The following MVB12B variants were observed in gnomAD, a reference collection of about 807,000 sequenced individuals.
MVB12B encodes the protein multivesicular body subunit 12B.
In MVB12B, 16 loss-of-function variants were observed where a neutral mutation model predicts 41.6. The ratio of observed to expected loss-of-function variants is 0.38; its 90% CI spans 0.26 to 0.58. The LOEUF (loss-of-function observed/expected upper bound fraction) is 0.58, where lower values mean the gene tolerates loss of function less well. MVB12B is among the 20% of genes least tolerant of loss of function. The pLI is 0.62. For missense variants in MVB12B, 274 were observed against 380.2 expected (o/e 0.72, Z 2.32); for synonymous variants, 133 against 139.7 (o/e 0.95, Z 0.34).
intron 2 of MVB12B, among the ~76,000 whole-genome samples, chr9:126,344,065 A>T (rs566657496): frequency 6.6e-6 from 1 of 151,712 alleles, no homozygotes; most frequent in South Asian, 2.1e-4. Context: ...AAAAAAAAAA[A>T]TAGCAACACA....
chr9:126,408,644 G>A (rs1006071262), intron 6 of MVB12B, among the ~76,000 whole-genome samples: 5 of 152,082 alleles, frequency 3.3e-5, no homozygotes, highest in Non-Finnish European at 5.9e-5. Flanking sequence ...GGTGGAGGCT[G>A]GAAGCAGAAA....
intron 7 of MVB12B, among the ~76,000 whole-genome samples, chr9:126,461,517 C>A (rs1006085273): frequency 1.3e-5 from 2 of 152,162 alleles, no homozygotes; most frequent in Non-Finnish European, 2.9e-5. Flanking sequence ...ACTAGCCCAG[C>A]GTTTTTTAGC....
At chr9:126,366,499 A>ATGTG (rs1302716866) in intron 2 of MVB12B, among the ~76,000 whole-genome samples, 1 of 152,154 alleles carries the variant, frequency 6.6e-6, no homozygotes, top group Non-Finnish European at 1.5e-5. Context: ...TTTAGTTTGT[A>ATGTG]TGTGTGTGTG....
chr9:126,473,780 A>T lies in MVB12B; in HGVS notation c.758-7589A>T, dbSNP rs1329192211. Among the ~76,000 whole-genome samples the T allele has an allele frequency of 6.6e-6, 1 of 152,216 alleles. No homozygotes were observed. The highest frequency in any genetic ancestry group is 1.9e-4 in the East Asian group (1 of 5,196). Reference sequence around the variant, plus strand: ...GGCCCCCTCCAATACCGGGGATTACAATTGAACATGAGATTTGGGTATTTG... The same window carrying T: ...GGCCCCCTCCAATACCGGGGATTACTATTGAACATGAGATTTGGGTATTTG... On this transcript the variant is annotated intron_variant, in intron 7 of 9. Coordinates refer to ENST00000361171, the MANE Select transcript of MVB12B (RefSeq NM_033446.3). The surrounding 1 kb of genome is among the most constrained non-coding windows in gnomAD (Gnocchi z 4.0).
chr9:126,327,911 G>C (rs914993730), intron 1 of MVB12B, among the ~76,000 whole-genome samples: 13 of 152,140 alleles, frequency 8.5e-5, no homozygotes, highest in African/African-American at 3.1e-4. Context: ...AGCCCACTCC[G>C]ATTGCTGCCA....
chr9:126,368,458 A>G (rs115145874), intron 2 of MVB12B, among the ~76,000 whole-genome samples: 155 of 152,270 alleles, frequency 1.0e-3, no homozygotes, highest in African/African-American at 3.4e-3. Flanking sequence ...CACCCTCCAT[A>G]ATGAAATCAC....
chr9:126,408,832 G>A (rs184380064), intron 6 of MVB12B, among the ~76,000 whole-genome samples: 3 of 152,244 alleles, frequency 2.0e-5, no homozygotes, highest in East Asian at 1.9e-4. Flanking sequence ...ATTAAGGAAC[G>A]TAATCACCAA....
At chr9:126,362,121 C>T (rs1221896908) in intron 2 of MVB12B, among the ~76,000 whole-genome samples, 2 of 152,050 alleles carry the variant, frequency 1.3e-5, no homozygotes, top group Non-Finnish European at 1.5e-5. Flanking sequence ...GCTCAAGGCT[C>T]ATTGATCTTC....
chr9:126,471,616 C>T (rs540424642), intron 7 of MVB12B, among the ~76,000 whole-genome samples: 46 of 152,262 alleles, frequency 3.0e-4, no homozygotes, highest in Non-Finnish European at 5.4e-4. Context: ...GAAAGCAAAA[C>T]AGGCTCCGTG....
At chr9:126,408,305 C>G (rs1831508663) in intron 6 of MVB12B, 1 of 152,182 alleles carries the variant, frequency 6.6e-6, no homozygotes, top group Non-Finnish European at 1.5e-5. Flanking sequence ...AATTATGGCT[C>G]TGGAGAGTTT....
At chr9:126,463,820 T>C (rs1833140482) in intron 7 of MVB12B, among the ~76,000 whole-genome samples, 1 of 152,180 alleles carries the variant, frequency 6.6e-6, no homozygotes, top group African/African-American at 2.4e-5. Context: ...TTTATACCAT[T>C]TTTTTTAACC....
At chr9:126,369,224 G>A (rs550618831) in intron 2 of MVB12B, among the ~76,000 whole-genome samples, 4 of 152,038 alleles carry the variant, frequency 2.6e-5, no homozygotes, top group Non-Finnish European at 5.9e-5. Flanking sequence ...AATTTCACTG[G>A]GTGTCCTGTA....
intron 9 of MVB12B, among the ~76,000 whole-genome samples, chr9:126,494,718 C>G (rs1310690345): frequency 6.6e-6 from 1 of 152,204 alleles, no homozygotes; most frequent in Non-Finnish European, 1.5e-5. Flanking sequence ...TCACGGCTCT[C>G]ATTTTCCACC....
At chr9:126,414,807 C>T (rs1014985849) in intron 6 of MVB12B, among the ~76,000 whole-genome samples, 2 of 151,946 alleles carry the variant, frequency 1.3e-5, no homozygotes, top group African/African-American at 4.8e-5. Context: ...CCATCATTCT[C>T]GTGGACCTCT....
At chr9:126,413,845 T>TGTGTG (rs66981179) in intron 6 of MVB12B, among the ~76,000 whole-genome samples, 16,534 of 139,262 alleles carry the variant, frequency 0.12, 1,241 homozygotes, top group East Asian at 0.37. Flanking sequence ...TGTGTGTGTG[T>TGTGTG]GTGTGTGTAT....
At chr9:126,369,988 A>G (rs1454768305) in intron 2 of MVB12B, among the ~76,000 whole-genome samples, 1 of 151,694 alleles carries the variant, frequency 6.6e-6, no homozygotes, top group Admixed American at 6.6e-5. Context: ...TTCTTGAGAT[A>G]TTTTTCCTTG....
intron 9 of MVB12B, among the ~76,000 whole-genome samples, chr9:126,495,128 G>T (rs1252101754): frequency 2.0e-5 from 3 of 151,140 alleles, no homozygotes; most frequent in African/African-American, 7.3e-5. Flanking sequence ...GGAGGTCAAG[G>T]CTGCAGTAAG....
chr9:126,444,235 A>C (rs1473149892), intron 7 of MVB12B, among the ~76,000 whole-genome samples: 1 of 152,214 alleles, frequency 6.6e-6, no homozygotes, highest in African/African-American at 2.4e-5. Flanking sequence ...GTTCCTTTAA[A>C]TAAATATATA....
chr9:126,478,591 G>T lies in MVB12B; in HGVS notation c.758-2778G>T, dbSNP rs1400131222. Among the ~76,000 whole-genome samples the T allele has an allele frequency of 6.6e-6, 1 of 152,200 alleles. No individual in the cohort carries two copies. Among genetic ancestry groups the T allele is most frequent in the African/African-American group, 2.4e-5 (1 of 41,448 alleles). On this transcript the variant is annotated intron_variant, in intron 7 of 9. Coordinates refer to ENST00000361171, the MANE Select transcript of MVB12B (RefSeq NM_033446.3). The surrounding 1 kb of genome is among the most constrained non-coding windows in gnomAD (Gnocchi z 4.2). ...CAAGCATAGAGGGAGGGAAGGGATG[G>T]GTAAGCCGGGAAGAGGGTCAGGTGC...
Sources: gnomAD v4.1 joint callset for allele counts (sites outside exome capture counted in the v4.1 genomes callset) on GRCh38, gnomAD v4.1.1 for gene constraint, Gnocchi (gnomAD v3.1) non-coding constraint, MANE v1.5 for transcripts, NCBI Gene and HGNC (gene_info 2026-07-23, HGNC 2026-07-21) for gene names.